Variants in ATP5PF observed in about 807,000 individuals in gnomAD.
The protein encoded by ATP5PF is ATP synthase peripheral stalk subunit F6.
In ATP5PF, 7 loss-of-function variants were observed where a neutral mutation model predicts 12.0. The observed-to-expected ratio is 0.58, with a 90% CI of 0.33 to 1.10. ATP5PF has a LOEUF of 1.10. ATP5PF is among the 50% of genes least tolerant of loss of function. ATP5PF has a pLI of 0.03. For synonymous variants in ATP5PF, 41 were observed against 45.4 expected (o/e 0.90, Z 0.39); for missense variants, 120 against 127.7 (o/e 0.94, Z 0.29).
intron 1 of ATP5PF, 22 bp downstream of exon 1, chr21:25,734,831 A>T (rs944951407): frequency 1.3e-6 from 2 of 1,531,816 alleles, no homozygotes; most frequent in Non-Finnish European, 1.8e-6. Flanking sequence ...GGCCACGCTG[A>T]TCTAGCTACC....
intron 2 of ATP5PF, among the ~76,000 whole-genome samples, chr21:25,725,709 G>A (rs1339064391): frequency 6.6e-6 from 1 of 152,216 alleles, no homozygotes; most frequent in East Asian, 1.9e-4. Context: ...TAAGTGCTCG[G>A]ATTACAGGCG....
rs535652831 is a variant in ATP5PF, at chr21:25,725,731, A to G, written c.165-381T>C. Among the ~76,000 whole-genome samples the G allele has an allele frequency of 2.0e-4, 30 of 152,270 alleles. 1 individual carries two copies. In the South Asian group the frequency reaches 4.8e-3, roughly 24 times the overall value. Reference sequence around the variant, plus strand: ...TCGGATTACAGGCGTGAGCCACCACACCCGGCCAATAGACCTTTTTAAAGC... The same window carrying G: ...TCGGATTACAGGCGTGAGCCACCACGCCCGGCCAATAGACCTTTTTAAAGC... On this transcript the variant is annotated intron_variant, in intron 2 of 3. Coordinates refer to ENST00000284971, the MANE Select transcript of ATP5PF (RefSeq NM_001003703.2).
At position 25,724,697 on chromosome 21, in the gene ATP5PF, A is replaced by G. The variant is rs2034570838; in HGVS notation, c.290-20T>C. 6.3e-7 allele frequency: 1 copy of G among 1,592,500 alleles called. No homozygotes were observed. Among genetic ancestry groups the G allele is most frequent in the Non-Finnish European group, 8.5e-7 (1 of 1,174,280 alleles). On this transcript the variant is annotated intron_variant, in intron 3 of 3. Transcript: ENST00000284971. ...TGGGATCTAAGAAGAGGGGGAAAAA[A>G]GGGTCAAGCTTAGCCAAATTGCAAT...
chr21:25,734,624 C>T, intron 1 of ATP5PF: 1 of 432,688 alleles, frequency 2.3e-6, no homozygotes, highest in South Asian at 5.2e-5. Flanking sequence ...CCCCGCGCCG[C>T]CCCGATTTGC....
At chr21:25,731,174 G>A (rs538116221) in intron 1 of ATP5PF, among the ~76,000 whole-genome samples, 6 of 152,030 alleles carry the variant, frequency 3.9e-5, no homozygotes, top group East Asian at 3.9e-4. Context: ...CTCAGGAGGC[G>A]GAGGCTGCAG....
At chr21:25,730,119 T>G (rs1390767863) in intron 1 of ATP5PF, among the ~76,000 whole-genome samples, 5 of 152,202 alleles carry the variant, frequency 3.3e-5, no homozygotes, top group African/African-American at 1.2e-4. Flanking sequence ...AGAGGTAGAC[T>G]GTTGCAACAC....
chr21:25,734,707 G>A, intron 1 of ATP5PF, 146 bp downstream of exon 1: 3 of 791,068 alleles, frequency 3.8e-6, no homozygotes, highest in African/African-American at 1.7e-5. Context: ...GAGGTCAGCT[G>A]TGACCCCGGG....
intron 2 of ATP5PF, among the ~76,000 whole-genome samples, chr21:25,727,655 A>G (rs996557577): frequency 6.6e-6 from 1 of 152,200 alleles, no homozygotes; most frequent in African/African-American, 2.4e-5. Flanking sequence ...CTCCTTAGAT[A>G]TAGGGTACAC....
chr21:25,725,480 GC>G, intron 2 of ATP5PF, 130 bp from the exon 3 acceptor site: 1 of 1,095,072 alleles, frequency 9.1e-7, no homozygotes, highest in Non-Finnish European at 1.2e-6. Flanking sequence ...TTGCTTGGTC[GC>G]CAGGCTGGAG....
At chr21:25,725,139 G>A (rs768580049) in intron 3 of ATP5PF, 87 bp downstream of exon 3, 18 of 1,497,496 alleles carry the variant, frequency 1.2e-5, no homozygotes, top group Non-Finnish European at 1.6e-5. Flanking sequence ...TGTCAACACT[G>A]TCATTCAGTT....
intron 2 of ATP5PF, among the ~76,000 whole-genome samples, chr21:25,727,441 A>C (rs1601085119): frequency 6.6e-6 from 1 of 152,186 alleles, no homozygotes; most frequent in African/African-American, 2.4e-5. Flanking sequence ...TGTATTGAAT[A>C]ATTTAATTTT....
rs147682802 is a variant in ATP5PF at position 25,727,996 on chromosome 21, C to T, written c.164+1635G>A. On this transcript the variant is annotated intron_variant, in intron 2 of 3. Transcript: ENST00000284971. ...CAATGGTAACACCTTTGTTAGTTAC[C>T]TCGCCTCAAAAGTCAGTTTTCTTTT... 2.9e-3 allele frequency among the ~76,000 whole-genome samples: 447 copies of T among 152,210 alleles called. 3 individuals are homozygous for T. Among genetic ancestry groups the T allele is most frequent in the African/African-American group, 0.01 (429 of 41,528 alleles).
intron 1 of ATP5PF, among the ~76,000 whole-genome samples, chr21:25,730,736 CAAAAAAAAAAAAAAAAAAAAAAAAAAAAA>C (rs71183508): frequency 9.4e-5 from 3 of 31,880 alleles, no homozygotes; most frequent in African/African-American, 2.6e-4. Flanking sequence ...CTCCGTCTCA[CAAAAAAAAAAAAAAAAAAAAAAAAAAAAA>C]AAAAAAAAAA....
At chr21:25,731,481 C>T (rs949993975) in intron 1 of ATP5PF, among the ~76,000 whole-genome samples, 1 of 151,810 alleles carries the variant, frequency 6.6e-6, no homozygotes, top group African/African-American at 2.4e-5. Context: ...GCCTCCTGGA[C>T]TCATGCAATC....
intron 2 of ATP5PF, among the ~76,000 whole-genome samples, chr21:25,726,047 C>T (rs1226842662): frequency 2.0e-5 from 3 of 152,166 alleles, no homozygotes; most frequent in Non-Finnish European, 4.4e-5. Flanking sequence ...AGGCACAGAG[C>T]ACTCTAAATT....
Position 25,724,562 on chromosome 21 carries a change from G to C in ATP5PF, c.*78C>G. 6.9e-7 allele frequency: 1 copy of C among 1,439,380 alleles called. No homozygotes were observed. Among genetic ancestry groups the C allele is most frequent in the Non-Finnish European group, 9.6e-7 (1 of 1,036,558 alleles). 89.2% of individuals were successfully genotyped at this position (1,439,380 alleles called of 1,614,324 possible). A position where few individuals can be genotyped will look rare whatever the true frequency, so the allele number is the denominator to read the frequency against. Reference sequence around the variant, plus strand: ...AAAGAACATTTGACAGTTATGAAATGCATGTTTATTCTGAAACTTCTAACT... The same window carrying C: ...AAAGAACATTTGACAGTTATGAAATCCATGTTTATTCTGAAACTTCTAACT... On this transcript the variant is annotated 3_prime_UTR_variant, in exon 4 of 4. Coordinates refer to ENST00000284971, the MANE Select transcript of ATP5PF (RefSeq NM_001003703.2).
chr21:25,734,305 C>A, intron 1 of ATP5PF: 6 of 985,106 alleles, frequency 6.1e-6, no homozygotes, highest in Non-Finnish European at 7.2e-6. Flanking sequence ...TGGGTGGGAG[C>A]ATGGTTCTAT....
intron 1 of ATP5PF, among the ~76,000 whole-genome samples, chr21:25,731,923 A>T (rs2034791164): frequency 6.6e-6 from 1 of 152,048 alleles, no homozygotes; most frequent in Non-Finnish European, 1.5e-5. Context: ...TGTCTCTAAA[A>T]AATTAGAGCT....
At chr21:25,734,493 A>G (rs1471465916) in intron 1 of ATP5PF, 53 of 704,778 alleles carry the variant, frequency 7.5e-5, no homozygotes, top group Non-Finnish European at 9.0e-5. Context: ...GTTCTGCCTA[A>G]GTAGCCTAGA....
Sources: allele counts gnomAD v4.1 joint callset (sites outside exome capture counted in the v4.1 genomes callset), GRCh38; gene constraint gnomAD v4.1.1; transcripts MANE v1.5; gene names NCBI Gene and HGNC (gene_info 2026-07-23, HGNC 2026-07-21).